The following THSD4 variants were observed in gnomAD, a reference collection of about 807,000 sequenced individuals.
THSD4 encodes thrombospondin type 1 domain containing 4.
A neutral mutation model predicts 119.0 loss-of-function variants in THSD4; 69 were observed. That is an observed-to-expected ratio of 0.58 (90% CI 0.48 to 0.71). The LOEUF is 0.71. Among genes scored for constraint, THSD4 ranks in the 30% least tolerant of loss-of-function variants. The pLI, the probability that THSD4 is intolerant of heterozygous loss-of-function variation, is 0.00. For synonymous variants in THSD4, 524 were observed against 540.4 expected (o/e 0.97, Z 0.42); for missense variants, 1,393 against 1,391.1 (o/e 1.00, Z -0.02).
At chr15:71,567,602 C>T (rs575598968) in intron 7 of THSD4, among the ~76,000 whole-genome samples, 1 of 142,506 alleles carries the variant, frequency 7.0e-6, no homozygotes, top group African/African-American at 2.5e-5. Flanking sequence ...AGACACCCCC[C>T]CACACACACA....
intron 6 of THSD4, among the ~76,000 whole-genome samples, chr15:71,343,819 C>T (rs1191863242): frequency 1.3e-5 from 2 of 149,642 alleles, no homozygotes; most frequent in Non-Finnish European, 1.5e-5. Context: ...CTCAGATGAT[C>T]GTCCTACCTC....
At chr15:71,130,791 C>A (rs889608275) in intron 1 of THSD4, among the ~76,000 whole-genome samples, 1 of 152,204 alleles carries the variant, frequency 6.6e-6, no homozygotes, top group Non-Finnish European at 1.5e-5. Context: ...GTTGCCCAGG[C>A]TGGAGTGCAG....
At position 71,338,699 on chromosome 15, in the gene THSD4, T is replaced by C. The variant is rs141559612; in HGVS notation, c.1016-72988T>C. Among the ~76,000 whole-genome samples the C allele has an allele frequency of 4.7e-4, 72 of 152,202 alleles. 1 individual carries two copies. In the East Asian group the frequency reaches 0.013, roughly 28 times the overall value. ...TTAATCTGTGCCCAAACACTGAGATTATTAGAAGGAAAAGACACCCTTAAC... is the reference window on the plus strand; with the variant it reads ...TTAATCTGTGCCCAAACACTGAGATCATTAGAAGGAAAAGACACCCTTAAC... On this transcript the variant is annotated intron_variant, in intron 6 of 17. Transcript: ENST00000261862.
At chr15:71,657,322 A>ATGACAT (rs201218920) in intron 7 of THSD4, among the ~76,000 whole-genome samples, 2,099 of 152,276 alleles carry the variant, frequency 0.014, 52 homozygotes, top group African/African-American at 0.048. Flanking sequence ...CATGTCATTC[A>ATGACAT]GATCCTAGTC....
chr15:71,123,119 G>A (rs2040421730), intron 1 of THSD4, among the ~76,000 whole-genome samples: 1 of 152,204 alleles, frequency 6.6e-6, no homozygotes, highest in South Asian at 2.1e-4. Context: ...CTGTTCGAGT[G>A]GTGACTTTCT....
At chr15:71,539,613 C>G in intron 7 of THSD4, among the ~76,000 whole-genome samples, 1 of 152,168 alleles carries the variant, frequency 6.6e-6, no homozygotes, top group African/African-American at 2.4e-5. Context: ...GTACCACTAA[C>G]ATTTTCTCTT....
chr15:71,166,765 G>A (rs1353480096), intron 3 of THSD4, among the ~76,000 whole-genome samples: 3 of 152,018 alleles, frequency 2.0e-5, no homozygotes, highest in South Asian at 2.1e-4. Flanking sequence ...ACCTTTTTGT[G>A]TCAGGCAACT....
In THSD4 at chr15:71,597,094, G is replaced by A. The variant is rs796771768; in HGVS notation, c.1153-63436G>A. 1.2e-3 allele frequency among the ~76,000 whole-genome samples: 189 copies of A among 152,064 alleles called. 2 individuals carry two copies. The highest frequency in any genetic ancestry group is 4.2e-3 in the African/African-American group (173 of 41,492). ...CTTTGAAGTTGTTTCTTTTCTTATT[G>A]TTCCAAAAAATACTGTTGTTTTAAT... is the stretch of plus-strand genomic sequence containing the variant. On this transcript the variant is annotated intron_variant, in intron 7 of 17. Coordinates refer to ENST00000261862, the MANE Select transcript of THSD4 (RefSeq NM_024817.3).
At chr15:71,681,360 C>G (rs1032863399) in intron 8 of THSD4, among the ~76,000 whole-genome samples, 4 of 152,008 alleles carry the variant, frequency 2.6e-5, no homozygotes, top group African/African-American at 9.7e-5. Context: ...CTAGACTTAT[C>G]AAGCCAACAA....
In THSD4 at chr15:71,701,847, G is replaced by A. The variant is rs1190546399; in HGVS notation, c.1358-26702G>A. 2.6e-5 allele frequency among the ~76,000 whole-genome samples: 4 copies of A among 152,140 alleles called. No individual in the cohort carries two copies. In the East Asian group the frequency reaches 7.7e-4, roughly 29 times the overall value. ...GATTGGGGCCAAGCAGAAGAAGTGA[G>A]ACCTTCCACTTCTTTTAGGAGGCTT... On this transcript the variant is annotated intron_variant, in intron 8 of 17. Transcript: ENST00000261862.
intron 6 of THSD4, among the ~76,000 whole-genome samples, chr15:71,355,414 A>ATG (rs1280754980): frequency 3.3e-5 from 5 of 152,180 alleles, no homozygotes; most frequent in Non-Finnish European, 5.9e-5. Context: ...ATGCATGTGC[A>ATG]TGTGTGTGCG....
At chr15:71,398,455 G>A (rs16955558) in intron 6 of THSD4, among the ~76,000 whole-genome samples, 1,731 of 152,294 alleles carry the variant, frequency 0.011, 46 homozygotes, top group African/African-American at 0.04. Context: ...TCAGCTAGGA[G>A]AATGTGTAGC....
chr15:71,693,848 T>A (rs567472128), intron 8 of THSD4, among the ~76,000 whole-genome samples: 14 of 152,198 alleles, frequency 9.2e-5, no homozygotes, highest in African/African-American at 3.1e-4. Flanking sequence ...TCTTCCTTCA[T>A]CTCCTGCCAT....
At chr15:71,214,937 C>T (rs1596273095) in intron 3 of THSD4, 98 bp from the exon 4 acceptor site, 1 of 1,205,728 alleles carries the variant, frequency 8.3e-7, no homozygotes, top group Non-Finnish European at 1.0e-6. Flanking sequence ...ACAGACTGTG[C>T]CTACTTGTGC....
At chr15:71,403,317 A>G (rs2046562751) in intron 6 of THSD4, among the ~76,000 whole-genome samples, 1 of 152,196 alleles carries the variant, frequency 6.6e-6, no homozygotes, top group Non-Finnish European at 1.5e-5. Context: ...AAGGATTGAT[A>G]ATTTGACTAG....
intron 8 of THSD4, among the ~76,000 whole-genome samples, chr15:71,682,911 CTTCTT>C (rs2051822036): frequency 3.6e-4 from 2 of 5,590 alleles, no homozygotes; most frequent in Non-Finnish European, 8.2e-4. Context: ...TTTCTTTCTT[CTTCTT>C]CTTCTTTTTT....
At chr15:71,575,013 A>G (rs578180332) in intron 7 of THSD4, among the ~76,000 whole-genome samples, 1 of 152,312 alleles carries the variant, frequency 6.6e-6, no homozygotes, top group Non-Finnish European at 1.5e-5. Context: ...TCAGCCGTAT[A>G]TAGAGGAAGT....
chr15:71,308,781 A>T (rs1369373697), intron 6 of THSD4, among the ~76,000 whole-genome samples: 1 of 152,202 alleles, frequency 6.6e-6, no homozygotes, highest in Non-Finnish European at 1.5e-5. Context: ...CAGCCATAGG[A>T]TAACTCCACA....
chr15:71,706,683 G>A (rs182154195), intron 8 of THSD4, among the ~76,000 whole-genome samples: 6 of 152,268 alleles, frequency 3.9e-5, no homozygotes, highest in Admixed American at 3.9e-4. Context: ...GAGAGATTTG[G>A]GGAGAAGCAG....
Sources: gnomAD v4.1 joint callset for allele counts (sites outside exome capture counted in the v4.1 genomes callset) on GRCh38, gnomAD v4.1.1 for gene constraint, MANE v1.5 for transcripts, NCBI Gene and HGNC (gene_info 2026-07-23, HGNC 2026-07-21) for gene names.